Variants in POU2F1 observed in about 807,000 individuals in gnomAD.
POU2F1 encodes POU domain, class 2, transcription factor 1.
In POU2F1, 16 loss-of-function variants were observed where a neutral mutation model predicts 84.9. The ratio of observed to expected loss-of-function variants is 0.19; its 90% CI spans 0.13 to 0.29. The LOEUF (loss-of-function observed/expected upper bound fraction) is 0.29, where lower values mean the gene tolerates loss of function less well. Among genes scored for constraint, POU2F1 ranks in the 10% least tolerant of loss-of-function variants. The pLI, the probability that POU2F1 is intolerant of heterozygous loss-of-function variation, is 1.00. For missense variants in POU2F1, 738 were observed against 942.6 expected (o/e 0.78, Z 2.84); for synonymous variants, 368 against 368.3 (o/e 1.00, Z 0.01).
intron 1 of POU2F1, among the ~76,000 whole-genome samples, chr1:167,244,028 T>A (rs1022002648): frequency 2.0e-5 from 3 of 152,160 alleles, no homozygotes; most frequent in Non-Finnish European, 4.4e-5. Flanking sequence ...GCCAATCTCC[T>A]ACTCATCCTG....
chr1:167,404,993 A>G (rs1423433681), intron 13 of POU2F1, among the ~76,000 whole-genome samples: 4 of 152,250 alleles, frequency 2.6e-5, no homozygotes, highest in African/African-American at 9.6e-5. Flanking sequence ...AAGAAAAATC[A>G]TGTTTGATTG....
intron 7 of POU2F1, among the ~76,000 whole-genome samples, chr1:167,377,285 T>C (rs1311873853): frequency 6.6e-6 from 1 of 152,206 alleles, no homozygotes; most frequent in Non-Finnish European, 1.5e-5. Context: ...TAAGATTTGA[T>C]TTATTTAAGA....
chr1:167,273,971 T>A (rs266830), intron 1 of POU2F1, among the ~76,000 whole-genome samples: 16,367 of 152,268 alleles, frequency 0.11, 2,169 homozygotes, highest in African/African-American at 0.32. Flanking sequence ...ACTGTTCATG[T>A]TTAATCTCTA....
intron 1 of POU2F1, among the ~76,000 whole-genome samples, 200 bp from the exon 2 acceptor site, chr1:167,332,270 G>A (rs1657123966): frequency 6.6e-6 from 1 of 152,032 alleles, no homozygotes; most frequent in Non-Finnish European, 1.5e-5. Context: ...TCCCTTCAGG[G>A]TCTGGGGAAT....
chr1:167,230,899 T>G (rs962552283), intron 1 of POU2F1, among the ~76,000 whole-genome samples: 1 of 152,208 alleles, frequency 6.6e-6, no homozygotes. Context: ...ATGGAACTTT[T>G]TCAACATAAG....
At chr1:167,300,337 T>C (rs112342308) in intron 1 of POU2F1, among the ~76,000 whole-genome samples, 6,585 of 152,296 alleles carry the variant, frequency 0.043, 179 homozygotes, top group African/African-American at 0.078. Flanking sequence ...GTTTGGGTTA[T>C]GGGTTCAATA....
At chr1:167,325,965 T>C (rs1473142148) in intron 1 of POU2F1, among the ~76,000 whole-genome samples, 5 of 150,878 alleles carry the variant, frequency 3.3e-5, no homozygotes, top group African/African-American at 1.2e-4. Context: ...TTTTAGAAAA[T>C]AAAAAAAGGC....
chr1:167,394,107 C>T (rs1015191741), intron 9 of POU2F1, among the ~76,000 whole-genome samples: 1 of 151,928 alleles, frequency 6.6e-6, no homozygotes, highest in African/African-American at 2.4e-5. Context: ...CAACCTCTGC[C>T]TCCCAGGTTT....
At chr1:167,224,517 G>A (rs1648476606) in intron 1 of POU2F1, among the ~76,000 whole-genome samples, 1 of 152,142 alleles carries the variant, frequency 6.6e-6, no homozygotes, top group South Asian at 2.1e-4. Flanking sequence ...TGTTCATTTT[G>A]TTTTGATTAG....
chr1:167,262,076 G>A (rs2102437805), intron 1 of POU2F1, among the ~76,000 whole-genome samples: 1 of 152,250 alleles, frequency 6.6e-6, no homozygotes, highest in African/African-American at 2.4e-5. Context: ...AACCTTCTTG[G>A]GACAGGGATG....
chr1:167,364,398 C>T (rs1488506895), intron 2 of POU2F1, among the ~76,000 whole-genome samples: 1 of 147,034 alleles, frequency 6.8e-6, no homozygotes. Context: ...GGCGTAGTGG[C>T]GGGCGCCTGT....
chr1:167,238,206 A>G (rs1649645931), intron 1 of POU2F1, among the ~76,000 whole-genome samples: 1 of 151,958 alleles, frequency 6.6e-6, no homozygotes, highest in Non-Finnish European at 1.5e-5. Flanking sequence ...TATTTGTTTC[A>G]TTTTGTCTCT....
intron 1 of POU2F1, among the ~76,000 whole-genome samples, chr1:167,291,886 G>C (rs537441160): frequency 2.6e-5 from 4 of 152,098 alleles, no homozygotes; most frequent in Non-Finnish European, 5.9e-5. Flanking sequence ...CAACACTGTA[G>C]GTGCTCTCTT....
chr1:167,224,834 T>TTTTTTTTTTTTTTTTTTTG (rs1648504446), intron 1 of POU2F1, among the ~76,000 whole-genome samples: 1 of 149,904 alleles, frequency 6.7e-6, no homozygotes, highest in Non-Finnish European at 1.5e-5. Context: ...TCTTTTTTTT[T>TTTTTTTTTTTTTTTTTTTG]TTTTTTTTTT....
intron 1 of POU2F1, among the ~76,000 whole-genome samples, chr1:167,243,096 C>T (rs769852619): frequency 1.3e-5 from 2 of 152,184 alleles, no homozygotes; most frequent in African/African-American, 2.4e-5. Flanking sequence ...ATATGCTCAT[C>T]TCTTTCTACT....
chr1:167,345,908 C>T (rs997698145), intron 2 of POU2F1, among the ~76,000 whole-genome samples: 11 of 151,656 alleles, frequency 7.3e-5, no homozygotes, highest in African/African-American at 2.7e-4. Context: ...CACCTGTAAT[C>T]CCAACACTTT....
chr1:167,357,116 A>G (rs1044647876), intron 2 of POU2F1, among the ~76,000 whole-genome samples: 13 of 152,138 alleles, frequency 8.5e-5, no homozygotes, highest in African/African-American at 3.1e-4. Context: ...CACTTAGGCA[A>G]TATGAAAACT....
At chr1:167,309,095 C>T (rs545548126) in intron 1 of POU2F1, among the ~76,000 whole-genome samples, 2 of 150,680 alleles carry the variant, frequency 1.3e-5, no homozygotes, top group Non-Finnish European at 3.0e-5. Context: ...AAAGTGCTTC[C>T]ACTAGTGGTT....
chr1:167,358,716 CTT>C lies in POU2F1; in HGVS notation c.128-6731_128-6730del, dbSNP rs1197814755. ...TTCTTAATCTTTTTATTATCTGCAG[CTT>C]TTTTTTTTTTTTTTTTTTTGAGACA... is the stretch of plus-strand genomic sequence containing the variant. On this transcript the variant is annotated intron_variant, in intron 2 of 15. Transcript: ENST00000367866. Among the ~76,000 whole-genome samples the C allele has an allele frequency of 2.2e-3, 84 of 38,352 alleles. No individual in the cohort carries two copies. The East Asian group carries it at 0.033, about 15-fold the overall frequency. The allele number at this position is 38,352 out of a possible 152,430, so 25.2% of individuals were successfully genotyped here.
Sources: gnomAD v4.1 joint callset for allele counts (sites outside exome capture counted in the v4.1 genomes callset) on GRCh38, gnomAD v4.1.1 for gene constraint, MANE v1.5 for transcripts, NCBI Gene and HGNC (gene_info 2026-07-23, HGNC 2026-07-21) for gene names.